The following MPPED1 variants were observed in gnomAD, a reference collection of about 807,000 sequenced individuals.
MPPED1 encodes metallophosphoesterase domain containing 1, also known as metallophosphoesterase domain-containing protein 1.
A neutral mutation model predicts 36.2 loss-of-function variants in MPPED1; 16 were observed. The ratio of observed to expected loss-of-function variants is 0.44; its 90% CI spans 0.30 to 0.67. The LOEUF is 0.67. Among genes scored for constraint, MPPED1 ranks in the 30% least tolerant of loss-of-function variants. The probability of loss-of-function intolerance (pLI) is 0.10; values close to 1 mark genes in which losing one functional copy is unlikely to be tolerated. For missense variants in MPPED1, 307 were observed against 453.4 expected, an observed-to-expected ratio of 0.68 and a Z score of 2.93; for synonymous variants, 199 against 191.3, an observed-to-expected ratio of 1.04 and a Z score of -0.33.
At chr22:43,440,833 C>T (rs991855550) in intron 3 of MPPED1, among the ~76,000 whole-genome samples, 10 of 152,158 alleles carry the variant, frequency 6.6e-5, no homozygotes, top group Admixed American at 1.3e-4. Context: ...CTCAGCTCTG[C>T]GGCGCCTGAT....
chr22:43,502,754 G>GA lies in MPPED1; in HGVS notation c.861dup (p.Gly288ArgfsTer123). The GA allele has an allele frequency of 1.9e-6, 3 of 1,613,166 alleles. No individual in the cohort carries two copies. The highest frequency in any genetic ancestry group is 2.5e-6 in the Non-Finnish European group (3 of 1,179,762). On this transcript the variant is annotated frameshift_variant, in exon 6 of 7. Coordinates refer to ENST00000443721, the MANE Select transcript of MPPED1 (RefSeq NM_001044370.2). LOFTEE classifies it high-confidence loss of function. The surrounding 1 kb of genome is among the most constrained non-coding windows in gnomAD (Gnocchi z 5.5). ...GTTACATGTCTTTGGCCACATCCAC[G>GA]AAGGTCAGTACGTAGCGGAGACAGG...
chr22:43,469,578 G>A lies in MPPED1; in HGVS notation c.407-5158G>A, dbSNP rs1028999761. On this transcript the variant is annotated intron_variant, in intron 3 of 6. Coordinates refer to ENST00000443721, the MANE Select transcript of MPPED1 (RefSeq NM_001044370.2). ...GGAGGAGACTCCTCCTGCCCACTCC[G>A]TGATGGTCAGGCCATGCTGGGACTT... Among the ~76,000 whole-genome samples, 8 of 152,210 alleles carry A rather than the reference G, an allele frequency of 5.3e-5. No individual in the cohort carries two copies. The East Asian group carries it at 5.8e-4, about 11-fold the overall frequency.
At chr22:43,479,067 TG>T (rs1372111516) in intron 4 of MPPED1, among the ~76,000 whole-genome samples, 1 of 151,884 alleles carries the variant, frequency 6.6e-6, no homozygotes, top group African/African-American at 2.4e-5. Flanking sequence ...GAGTGGGGTG[TG>T]GGGGGGTTGT....
At chr22:43,468,606 C>T (rs2146877642) in intron 3 of MPPED1, among the ~76,000 whole-genome samples, 1 of 152,322 alleles carries the variant, frequency 6.6e-6, no homozygotes, top group East Asian at 1.9e-4. Flanking sequence ...CTTCCCCTTT[C>T]TGAGCTCCAG....
chr22:43,437,779 A>G (rs135067), intron 3 of MPPED1, among the ~76,000 whole-genome samples: 122,287 of 152,074 alleles, frequency 0.8, 50,011 homozygotes, highest in Admixed American at 0.9. Flanking sequence ...AAAGTGCTGT[A>G]TACCTGTTAT....
intron 3 of MPPED1, among the ~76,000 whole-genome samples, chr22:43,452,707 G>A (rs182741295): frequency 1.3e-5 from 2 of 152,198 alleles, no homozygotes; most frequent in African/African-American, 2.4e-5. Flanking sequence ...ACGGCTCACT[G>A]AGCCTCGACT....
chr22:43,476,585 C>A (rs1052876464), intron 4 of MPPED1, among the ~76,000 whole-genome samples: 1 of 152,142 alleles, frequency 6.6e-6, no homozygotes, highest in Non-Finnish European at 1.5e-5. Context: ...TGGCTGGAGG[C>A]GGCAGGCAGA....
chr22:43,498,495 C>T, intron 5 of MPPED1, 145 bp downstream of exon 5: 1 of 593,316 alleles, frequency 1.7e-6, no homozygotes, highest in African/African-American at 2.1e-5. Flanking sequence ...CACGTCGCCC[C>T]ATGGTCCCTC....
intron 3 of MPPED1, among the ~76,000 whole-genome samples, chr22:43,454,229 G>T (rs113228716): frequency 6.6e-6 from 1 of 151,950 alleles, no homozygotes; most frequent in Non-Finnish European, 1.5e-5. Flanking sequence ...GGCTGGTCTC[G>T]AACTCCTGAC....
intron 3 of MPPED1, among the ~76,000 whole-genome samples, chr22:43,444,090 G>A (rs1930245553): frequency 6.6e-6 from 1 of 152,110 alleles, no homozygotes; most frequent in South Asian, 2.1e-4. Context: ...TGTTGTAGGG[G>A]CTAAAAGGAA....
chr22:43,494,953 T>C (rs1474095720), intron 4 of MPPED1, among the ~76,000 whole-genome samples: 1 of 152,196 alleles, frequency 6.6e-6, no homozygotes, highest in Non-Finnish European at 1.5e-5. Context: ...CCTCTCCTTA[T>C]AAGGGCACTG....
intron 3 of MPPED1, among the ~76,000 whole-genome samples, chr22:43,471,346 GC>G (rs1931369384): frequency 6.6e-6 from 1 of 152,152 alleles, no homozygotes; most frequent in Admixed American, 6.5e-5. Context: ...GGCTCTGGCT[GC>G]CTCCCTGCTG....
chr22:43,469,762 G>A (rs1931302835), intron 3 of MPPED1, among the ~76,000 whole-genome samples: 1 of 152,166 alleles, frequency 6.6e-6, no homozygotes, highest in African/African-American at 2.4e-5. Context: ...CGACACAGAG[G>A]TCAGTTGGTG....
chr22:43,427,690 C>T (rs135083), intron 2 of MPPED1, among the ~76,000 whole-genome samples: 58,185 of 151,972 alleles, frequency 0.38, 12,052 homozygotes, highest in East Asian at 0.68. Flanking sequence ...GGACCTTGGG[C>T]GCTGAGCTTG....
intron 3 of MPPED1, among the ~76,000 whole-genome samples, chr22:43,471,827 C>T (rs1223311929): frequency 2.6e-5 from 4 of 152,178 alleles, no homozygotes; most frequent in African/African-American, 9.7e-5. Flanking sequence ...TTGGAGCTCT[C>T]CCATGAGCAC....
intron 4 of MPPED1, among the ~76,000 whole-genome samples, chr22:43,490,463 T>C (rs1289182691): frequency 3.9e-5 from 6 of 152,230 alleles, no homozygotes; most frequent in Admixed American, 1.3e-4. Context: ...CGGGAAACTG[T>C]CACCCCTAGA....
intron 3 of MPPED1, among the ~76,000 whole-genome samples, chr22:43,457,590 TTTCTTC>T (rs1930799029): frequency 6.6e-6 from 1 of 152,168 alleles, no homozygotes; most frequent in African/African-American, 2.4e-5. Context: ...TTGTCCATCT[TTTCTTC>T]TATTACTGCC....
intron 2 of MPPED1, among the ~76,000 whole-genome samples, chr22:43,433,729 GTTAA>G (rs1405374383): frequency 2.0e-5 from 3 of 150,894 alleles, no homozygotes; most frequent in Non-Finnish European, 4.4e-5. Flanking sequence ...CTCGTAAGGT[GTTAA>G]TTAAATTTCT....
chr22:43,481,445 A>C (rs1444578801), intron 4 of MPPED1, among the ~76,000 whole-genome samples: 6 of 152,182 alleles, frequency 3.9e-5, no homozygotes, highest in Non-Finnish European at 8.8e-5. Context: ...TCATAGGGGC[A>C]GGGACCCAGA....
Sources: allele counts gnomAD v4.1 joint callset (sites outside exome capture counted in the v4.1 genomes callset), GRCh38; gene constraint gnomAD v4.1.1; non-coding constraint Gnocchi (gnomAD v3.1); transcripts MANE v1.5; gene names NCBI Gene and HGNC (gene_info 2026-07-23, HGNC 2026-07-21).